Variants in APOLD1 observed in about 807,000 individuals in gnomAD.
APOLD1 encodes apolipoprotein L domain-containing protein 1.
In APOLD1, 22 loss-of-function variants were observed where a neutral mutation model predicts 15.3. That is an observed-to-expected ratio of 1.44 (90% confidence interval 1.03 to 2.05). The LOEUF (loss-of-function observed/expected upper bound fraction) is 2.05, where lower values mean the gene tolerates loss of function less well. Ranked by LOEUF, APOLD1 falls within the 30% of genes most tolerant of loss-of-function variation. The probability of loss-of-function intolerance (pLI) is 0.00; values close to 1 mark genes in which losing one functional copy is unlikely to be tolerated. For missense variants in APOLD1, 394 were observed against 353.5 expected (o/e 1.11, Z -0.92); for synonymous variants, 190 against 167.4 (o/e 1.13, Z -1.04).
intron 1 of APOLD1, among the ~76,000 whole-genome samples, chr12:12,761,830 T>TATAGAG (rs1946901892): frequency 8.7e-6 from 1 of 114,592 alleles, no homozygotes; most frequent in Admixed American, 1.0e-4. Context: ...TGTATATGTA[T>TATAGAG]AGAGAGAGAG....
chr12:12,752,463 T>G (rs1565430358), intron 1 of APOLD1, among the ~76,000 whole-genome samples: 1 of 152,220 alleles, frequency 6.6e-6, no homozygotes, highest in Non-Finnish European at 1.5e-5. Context: ...CAGAATACAG[T>G]GATATTTTGA....
intron 1 of APOLD1, among the ~76,000 whole-genome samples, chr12:12,776,799 G>GT (rs1947038980): frequency 1.3e-5 from 2 of 152,150 alleles, no homozygotes; most frequent in Admixed American, 1.3e-4. Context: ...TTATGAAGCA[G>GT]TAACATTCAA....
chr12:12,735,507 G>A (rs1332464947), intron 1 of APOLD1, among the ~76,000 whole-genome samples: 2 of 152,144 alleles, frequency 1.3e-5, no homozygotes, highest in Non-Finnish European at 2.9e-5. Context: ...GAAAGAATGT[G>A]CTTGTGGCTG....
chr12:12,740,372 C>T (rs940402458), intron 1 of APOLD1, among the ~76,000 whole-genome samples: 6 of 152,220 alleles, frequency 3.9e-5, no homozygotes, highest in Non-Finnish European at 8.8e-5. Context: ...TGGCCTTGGC[C>T]TCCCAAGGTG....
chr12:12,748,087 G>A lies in APOLD1; in HGVS notation c.96+21991G>A, dbSNP rs893003760. Among the ~76,000 whole-genome samples, 5 of 152,300 alleles carry A rather than the reference G, an allele frequency of 3.3e-5. No individual in the cohort carries two copies. The East Asian group carries it at 5.8e-4, about 18-fold the overall frequency. On this transcript the variant is annotated intron_variant, in intron 1 of 1. Transcript: ENST00000326765. ...CTGGCAGGCTGAAGAGCGTTAATAA[G>A]CAGTCACAGCTGATGCAAGGATTCA...
chr12:12,728,132 T>G (rs1443879568), intron 1 of APOLD1, among the ~76,000 whole-genome samples: 2 of 148,688 alleles, frequency 1.3e-5, no homozygotes, highest in Non-Finnish European at 3.0e-5. Flanking sequence ...CATCCAGCAG[T>G]TTTTTTTTTA....
chr12:12,726,300 GT>G, intron 1 of APOLD1: 1 of 668,644 alleles, frequency 1.5e-6, no homozygotes, highest in Non-Finnish European at 2.7e-6. Context: ...TTTCCAGAGC[GT>G]TTTTGCGGGA....
At chr12:12,769,903 A>G (rs927257120) in intron 1 of APOLD1, among the ~76,000 whole-genome samples, 1 of 152,180 alleles carries the variant, frequency 6.6e-6, no homozygotes, top group African/African-American at 2.4e-5. Flanking sequence ...TTGCCACCAC[A>G]TTACTAAAGT....
intron 1 of APOLD1, among the ~76,000 whole-genome samples, chr12:12,745,945 A>G (rs1410892825): frequency 6.6e-6 from 1 of 152,112 alleles, no homozygotes; most frequent in Admixed American, 6.5e-5. Flanking sequence ...GAGGGCATTT[A>G]TCTGCCAGCT....
intron 1 of APOLD1, among the ~76,000 whole-genome samples, chr12:12,737,039 T>G (rs1408347404): frequency 6.6e-6 from 1 of 152,232 alleles, no homozygotes; most frequent in Non-Finnish European, 1.5e-5. Flanking sequence ...GTGAATCTTC[T>G]AAGCAAATGA....
chr12:12,752,870 A>G (rs1444493051), intron 1 of APOLD1, among the ~76,000 whole-genome samples: 3 of 152,208 alleles, frequency 2.0e-5, no homozygotes, highest in African/African-American at 7.2e-5. Context: ...TAGATGGTTC[A>G]ATTGCTGCTT....
intron 1 of APOLD1, among the ~76,000 whole-genome samples, chr12:12,733,172 A>G (rs1166926762): frequency 1.3e-5 from 2 of 151,998 alleles, no homozygotes; most frequent in East Asian, 1.9e-4. Flanking sequence ...AAAAAAAAAA[A>G]AAAATTAGCT....
chr12:12,773,984 A>C (rs578006425), intron 1 of APOLD1, among the ~76,000 whole-genome samples: 1 of 152,312 alleles, frequency 6.6e-6, no homozygotes, highest in Admixed American at 6.5e-5. Flanking sequence ...AAAACTATAA[A>C]ATTCCTAGAA....
intron 1 of APOLD1, among the ~76,000 whole-genome samples, chr12:12,738,322 C>T (rs1399965360): frequency 6.6e-6 from 1 of 151,306 alleles, no homozygotes; most frequent in African/African-American, 2.4e-5. Context: ...AGTCCTCCTG[C>T]CTCAGCCTCC....
chr12:12,776,788 A>G (rs1947038841), intron 1 of APOLD1, among the ~76,000 whole-genome samples: 1 of 152,210 alleles, frequency 6.6e-6, no homozygotes, highest in African/African-American at 2.4e-5. Context: ...AAAAAATCGG[A>G]TTATGAAGCA....
At chr12:12,773,052 C>G (rs920534520) in intron 1 of APOLD1, among the ~76,000 whole-genome samples, 17 of 151,916 alleles carry the variant, frequency 1.1e-4, no homozygotes, top group African/African-American at 4.1e-4. Flanking sequence ...GCACTCCAGC[C>G]TGAGCATCAG....
rs1184065709 is a variant in APOLD1, at chr12:12,789,381, C to T, written c.*1729C>T. The T allele has an allele frequency of 2.6e-5, 4 of 152,134 alleles. No homozygotes were observed. Among genetic ancestry groups the T allele is most frequent in the Admixed American group, 1.3e-4 (2 of 15,274 alleles). 9.4% of individuals were successfully genotyped at this position (152,134 alleles called of 1,614,324 possible). On this transcript the variant is annotated 3_prime_UTR_variant, in exon 2 of 2. Transcript: ENST00000356591. ...GAGTCTTGAATGGCAAGACCAGGAG[C>T]TGAGTTTAAGCTTGTAATGGAAGCT...
At chr12:12,760,224 G>T (rs541505805) in intron 1 of APOLD1, among the ~76,000 whole-genome samples, 3 of 152,150 alleles carry the variant, frequency 2.0e-5, no homozygotes, top group African/African-American at 7.2e-5. Context: ...TACTCAGGAG[G>T]CTGAGATGGG....
intron 1 of APOLD1, among the ~76,000 whole-genome samples, chr12:12,773,434 A>G (rs1283004769): frequency 2.0e-5 from 3 of 152,108 alleles, no homozygotes; most frequent in African/African-American, 7.2e-5. Flanking sequence ...ATGATGGTGT[A>G]TGCCTGTAGT....
Sources: gnomAD v4.1 joint callset for allele counts (sites outside exome capture counted in the v4.1 genomes callset) on GRCh38, gnomAD v4.1.1 for gene constraint, MANE v1.5 for transcripts, NCBI Gene and HGNC (gene_info 2026-07-23, HGNC 2026-07-21) for gene names.